Variants in PLEKHO2 observed in about 807,000 individuals in gnomAD.
PLEKHO2 encodes pleckstrin homology domain-containing family O member 2.
A neutral mutation model predicts 32.7 loss-of-function variants in PLEKHO2; 20 were observed. The observed-to-expected ratio is 0.61, with a 90% confidence interval of 0.43 to 0.89. The LOEUF (loss-of-function observed/expected upper bound fraction) is 0.89. PLEKHO2 is among the 40% of genes least tolerant of loss of function. The probability of loss-of-function intolerance (pLI) is 0.00; values close to 1 mark genes in which losing one functional copy is unlikely to be tolerated. For missense variants in PLEKHO2, 568 were observed against 621.2 expected, an observed-to-expected ratio of 0.91 and a Z score of 0.91; for synonymous variants, 247 against 246.3, an observed-to-expected ratio of 1.00 and a Z score of -0.03.
chr15:64,865,930 C>A lies in PLEKHO2; in HGVS notation c.*42C>A. ...GGCACCATCCCTTCTGGCCATCCAT[C>A]AAGTCCATCAAGGCCCAGCCCTGCT... On this transcript the variant is annotated 3_prime_UTR_variant, in exon 6 of 6. Transcript: ENST00000323544. 1.3e-6 allele frequency: 2 copies of A among 1,564,350 alleles called. No individual in the cohort carries two copies. Among genetic ancestry groups the A allele is most frequent in the South Asian group, 1.2e-5 (1 of 86,266 alleles).
At chr15:64,842,499 GTGTGTGTGTA>G (rs1160189951) in intron 1 of PLEKHO2, among the ~76,000 whole-genome samples, 2 of 152,046 alleles carry the variant, frequency 1.3e-5, no homozygotes, top group Non-Finnish European at 1.5e-5. Context: ...CTGACTCTGT[GTGTGTGTGTA>G]TGTGTGTGTT....
At chr15:64,847,087 G>T (rs941547048) in intron 1 of PLEKHO2, among the ~76,000 whole-genome samples, 7 of 152,198 alleles carry the variant, frequency 4.6e-5, no homozygotes, top group Non-Finnish European at 1.0e-4. Flanking sequence ...GCTTCAGTCT[G>T]CATGACTGCA....
chr15:64,852,145 T>C (rs888918702), intron 2 of PLEKHO2, among the ~76,000 whole-genome samples: 20 of 152,150 alleles, frequency 1.3e-4, no homozygotes, highest in Admixed American at 2.0e-4. Flanking sequence ...TAGCACCTCA[T>C]AGGGTGTCTG....
chr15:64,865,685 G>A lies in PLEKHO2; in HGVS notation c.1270G>A (p.Glu424Lys). 4 of 1,614,244 alleles carry A rather than the reference G, an allele frequency of 2.5e-6. No individual in the cohort carries two copies. The highest frequency in any genetic ancestry group is 3.4e-6 in the Non-Finnish European group (4 of 1,180,038). The change falls in exon 6 of 6, where the codon GAG (glutamate) becomes AAG (lysine). Residue 424 changes from glutamate to lysine, a missense_variant. Transcript: ENST00000323544. ...GGTGAAGGTGGCCTCGGAACAGACG[G>A]AGAAACTGTTGAACAAGGTGCTGGG... The part of the protein sequence containing the change: ...LEVKVASEQT[E>K]KLLNKVLGSE...
At chr15:64,854,858 T>C in intron 2 of PLEKHO2, 63 bp from the exon 3 acceptor site, 2 of 1,249,134 alleles carry the variant, frequency 1.6e-6, no homozygotes, top group Non-Finnish European at 1.2e-6. Context: ...GGGACATGAG[T>C]AGTTGAGGGT....
At chr15:64,850,282 G>C (rs969416286) in intron 2 of PLEKHO2, among the ~76,000 whole-genome samples, 2 of 152,140 alleles carry the variant, frequency 1.3e-5, no homozygotes, top group African/African-American at 4.8e-5. Flanking sequence ...TTTTACAGAA[G>C]AGGATACTGA....
chr15:64,865,534 AG>A lies in PLEKHO2; in HGVS notation c.1120del (p.Ala374HisfsTer43). On this transcript the variant is annotated frameshift_variant, in exon 6 of 6. Coordinates refer to ENST00000323544, the MANE Select transcript of PLEKHO2 (RefSeq NM_025201.5). LOFTEE classifies it low-confidence loss of function (END_TRUNC). ...TPPKDATTST[A>X]LPPWDLPPQF... is the part of the protein sequence containing the mutation. ...CTCCAAAGGATGCAACAACATCCAC[AG>A]CACTGCCCCCCTGGGACCTGCCACC... 6.2e-7 allele frequency: 1 copy of A among 1,614,126 alleles called. No homozygotes were observed.
intron 2 of PLEKHO2, among the ~76,000 whole-genome samples, chr15:64,851,379 C>T (rs191645591): frequency 2.6e-5 from 4 of 152,304 alleles, no homozygotes; most frequent in Admixed American, 2.0e-4. Context: ...CTCTCTGCAT[C>T]TGGCCACAGC....
In PLEKHO2 at chr15:64,841,930, G is replaced by A; in HGVS notation, c.-87G>A. ...CCGGCGGGACAGAACGCGGAGAGTC[G>A]CCGCCTGGCCGGGCGTAGACGCGGT... On this transcript the variant is annotated 5_prime_UTR_variant, in exon 1 of 6. Transcript: ENST00000323544. 8.2e-7 allele frequency: 1 copy of A among 1,213,274 alleles called. No individual in the cohort carries two copies. Among genetic ancestry groups the A allele is most frequent in the Non-Finnish European group, 1.0e-6 (1 of 970,242 alleles). 75.2% of individuals were successfully genotyped at this position (1,213,274 alleles called of 1,614,324 possible).
chr15:64,858,871 A>G (rs1006866201), intron 3 of PLEKHO2, among the ~76,000 whole-genome samples: 8 of 152,198 alleles, frequency 5.3e-5, no homozygotes, highest in African/African-American at 1.9e-4. Context: ...CATCCATCAC[A>G]TAACTCTCCA....
At chr15:64,857,820 G>T (rs2084615575) in intron 3 of PLEKHO2, among the ~76,000 whole-genome samples, 1 of 152,210 alleles carries the variant, frequency 6.6e-6, no homozygotes, top group South Asian at 2.1e-4. Flanking sequence ...GGGTCCAGTG[G>T]TTCTGTTCTT....
At chr15:64,863,737 G>A (rs1322926602) in intron 5 of PLEKHO2, among the ~76,000 whole-genome samples, 1 of 129,872 alleles carries the variant, frequency 7.7e-6, no homozygotes, top group East Asian at 2.7e-4. Context: ...GGGTGACAGT[G>A]CGAGACCCCC....
chr15:64,853,316 G>T (rs2084583336), intron 2 of PLEKHO2, among the ~76,000 whole-genome samples: 1 of 135,508 alleles, frequency 7.4e-6, no homozygotes, highest in Admixed American at 7.6e-5. Context: ...TCGCTCTGTT[G>T]CCCAGGCTGG....
intron 2 of PLEKHO2, among the ~76,000 whole-genome samples, chr15:64,850,207 A>G (rs910606755): frequency 5.9e-5 from 9 of 152,106 alleles, no homozygotes; most frequent in African/African-American, 1.9e-4. Context: ...GTTTGGAGAT[A>G]TGCTCTTACA....
chr15:64,847,346 A>C (rs1373711439), intron 1 of PLEKHO2, among the ~76,000 whole-genome samples: 1 of 152,066 alleles, frequency 6.6e-6, no homozygotes, highest in Non-Finnish European at 1.5e-5. Flanking sequence ...AATTTTATGT[A>C]AATTATAACG....
intron 1 of PLEKHO2, 37 bp from the exon 2 acceptor site, chr15:64,848,556 A>G: frequency 1.2e-6 from 2 of 1,612,876 alleles, no homozygotes; most frequent in Non-Finnish European, 1.7e-6. Context: ...ACCCCATGGT[A>G]GCAACCCTCA....
rs528127150 is a variant in PLEKHO2, at chr15:64,866,482, C to T, written c.*594C>T. On this transcript the variant is annotated 3_prime_UTR_variant, in exon 6 of 6. Transcript: ENST00000323544. ...GCCTCTTGAGGGAGATGAGAGGCCT[C>T]TTTGTGAGGAGGACATTAGCTGTGT... is the stretch of plus-strand genomic sequence containing the variant. The T allele has an allele frequency of 6.5e-4, 283 of 437,178 alleles. 6 individuals are homozygous for T. The highest frequency in any genetic ancestry group is 4.3e-3 in the South Asian group (268 of 62,864). 27.1% of individuals were successfully genotyped at this position (437,178 alleles called of 1,614,324 possible). A position where few individuals can be genotyped will look rare whatever the true frequency, so the allele number is the denominator to read the frequency against.
In PLEKHO2 at chr15:64,865,630, C is replaced by A. The variant is rs2084678387; in HGVS notation, c.1215C>A (p.Pro405=). The stretch of plus-strand genomic sequence containing the variant: ...AAGGCCCGCGGCATCCCTTGCAGCC[C>A]AGGGAACGGCTATATCGGGCCCAGC... The part of the protein sequence containing the change: ...LGEGPRHPLQ[P]RERLYRAQLE... The change falls in exon 6 of 6, where the codon CCC becomes CCA. Residue 405 remains proline, a synonymous_variant. Coordinates refer to ENST00000323544, the MANE Select transcript of PLEKHO2 (RefSeq NM_025201.5). 1 of 1,614,254 alleles carries A rather than the reference C, an allele frequency of 6.2e-7. No individual in the cohort carries two copies.
Position 64,841,967 on chromosome 15 carries a change from CGCGGCGCTGGAA to C in PLEKHO2, c.-46_-35del. ...GGCGTAGACGCGGTGGCAGAGCCCG[CGCGGCGCTGGAA>C]GCGAGTGGCGGAGCGGCGGGACCTC... On this transcript the variant is annotated 5_prime_UTR_variant, in exon 1 of 6. Transcript: ENST00000323544. The C allele has an allele frequency of 1.6e-6, 2 of 1,245,354 alleles. No homozygotes were observed. The highest frequency in any genetic ancestry group is 2.0e-6 in the Non-Finnish European group (2 of 994,872). 77.1% of individuals were successfully genotyped at this position (1,245,354 alleles called of 1,614,324 possible).
Sources: allele counts gnomAD v4.1 joint callset (sites outside exome capture counted in the v4.1 genomes callset), GRCh38; gene constraint gnomAD v4.1.1; transcripts MANE v1.5; gene names NCBI Gene and HGNC (gene_info 2026-07-23, HGNC 2026-07-21).